The following PREX1 variants were observed in gnomAD, a reference collection of about 807,000 sequenced individuals.
PREX1 encodes the protein phosphatidylinositol 3,4,5-trisphosphate-dependent Rac exchanger 1 protein.
PREX1 carries 41 observed loss-of-function variants against 198.3 expected under a neutral mutation model. That is an observed-to-expected ratio of 0.21 (90% CI 0.16 to 0.27). The LOEUF (loss-of-function observed/expected upper bound fraction) is 0.27. PREX1 is among the 10% of genes least tolerant of loss of function. PREX1 has a pLI of 1.00. For synonymous variants in PREX1, 843 were observed against 887.2 expected (o/e 0.95, Z 0.89); for missense variants, 1,620 against 2,200.7 (o/e 0.74, Z 5.28).
At chr20:48,631,129 T>A (rs1458000506) in intron 35 of PREX1, among the ~76,000 whole-genome samples, 2 of 152,218 alleles carry the variant, frequency 1.3e-5, no homozygotes, top group African/African-American at 2.4e-5. Flanking sequence ...GCTCTGGGCT[T>A]ACTGGTTTAC....
At chr20:48,662,350 C>A (rs114577629) in intron 15 of PREX1, among the ~76,000 whole-genome samples, 1,634 of 152,332 alleles carry the variant, frequency 0.011, 30 homozygotes, top group African/African-American at 0.037. Context: ...TCCACGAGCT[C>A]AGCCAAGCGA....
intron 1 of PREX1, among the ~76,000 whole-genome samples, chr20:48,763,711 G>C (rs541641233): frequency 1.4e-4 from 21 of 152,300 alleles, no homozygotes; most frequent in African/African-American, 5.1e-4. Context: ...GGCATTCAGG[G>C]CCCAGGCCTC....
intron 1 of PREX1, among the ~76,000 whole-genome samples, chr20:48,786,612 T>C (rs2090313339): frequency 6.6e-6 from 1 of 151,622 alleles, no homozygotes; most frequent in Admixed American, 6.6e-5. Flanking sequence ...GGTGTGGTGG[T>C]GCACACCTGT....
chr20:48,812,937 A>G lies in PREX1; in HGVS notation c.219+14705T>C, dbSNP rs191785843. Among the ~76,000 whole-genome samples the G allele has an allele frequency of 1.8e-3, 271 of 152,396 alleles. 4 individuals carry two copies. The highest frequency in any genetic ancestry group is 6.8e-3 in the Middle Eastern group (2 of 294). ...AGGAACAAAGAGGAAATATACCCAA[A>G]GATGAAACAGCTATTTGGAAGGGTG... On this transcript the variant is annotated intron_variant, in intron 1 of 39. Coordinates refer to ENST00000371941, the MANE Select transcript of PREX1 (RefSeq NM_020820.4).
chr20:48,727,387 G>T (rs1408402802), intron 4 of PREX1, among the ~76,000 whole-genome samples: 1 of 151,948 alleles, frequency 6.6e-6, no homozygotes, highest in Non-Finnish European at 1.5e-5. Context: ...CAATACTTCC[G>T]CCCTGCAGCC....
the PREX1 span, among the ~76,000 whole-genome samples, chr20:48,840,805 A>G: frequency 1.3e-5 from 2 of 152,176 alleles, no homozygotes; most frequent in South Asian, 2.1e-4. Context: ...GTTGCTTACA[A>G]TTGCAAATCC....
intron 7 of PREX1, among the ~76,000 whole-genome samples, chr20:48,694,042 G>T (rs1161570030): frequency 6.6e-6 from 1 of 152,044 alleles, no homozygotes; most frequent in Admixed American, 6.6e-5. Context: ...CTCTCAAGTA[G>T]CTGGGACTAC....
At chr20:48,711,923 C>T (rs1444418593) in intron 5 of PREX1, among the ~76,000 whole-genome samples, 4 of 152,178 alleles carry the variant, frequency 2.6e-5, no homozygotes, top group Admixed American at 2.6e-4. Flanking sequence ...GCACCTGAAA[C>T]CCTGGTGGTG....
chr20:48,823,965 A>G (rs1370483039), intron 1 of PREX1, among the ~76,000 whole-genome samples: 1 of 152,196 alleles, frequency 6.6e-6, no homozygotes, highest in African/African-American at 2.4e-5. Context: ...AAAGAAAATT[A>G]AATGAGTTGA....
At chr20:48,865,500 A>G in the PREX1 span, among the ~76,000 whole-genome samples, 25 of 152,200 alleles carry the variant, frequency 1.6e-4, no homozygotes, top group Non-Finnish European at 1.0e-4. Flanking sequence ...GGTGAAAAAG[A>G]AAGGTTCAGA....
intron 1 of PREX1, among the ~76,000 whole-genome samples, chr20:48,783,131 A>G (rs1270300028): frequency 6.6e-6 from 1 of 152,180 alleles, no homozygotes; most frequent in African/African-American, 2.4e-5. Context: ...AATGAAAAAG[A>G]AGGATACATG....
the PREX1 span, among the ~76,000 whole-genome samples, chr20:48,839,639 G>T: frequency 6.6e-6 from 1 of 152,300 alleles, no homozygotes; most frequent in Non-Finnish European, 1.5e-5. Context: ...GTGCTACCTG[G>T]TCGAGGCTGC....
intron 5 of PREX1, among the ~76,000 whole-genome samples, chr20:48,712,113 G>T (rs151127093): frequency 6.6e-6 from 1 of 152,300 alleles, no homozygotes; most frequent in Admixed American, 6.5e-5. Context: ...GTGGCACTTG[G>T]GATAAATTCA....
At chr20:48,722,329 T>C (rs899979637) in intron 5 of PREX1, among the ~76,000 whole-genome samples, 9 of 152,174 alleles carry the variant, frequency 5.9e-5, no homozygotes, top group Admixed American at 3.3e-4. Context: ...CTTGAGGACA[T>C]GAGCCTAAGT....
chr20:48,681,983 G>A (rs2089754422), intron 10 of PREX1, among the ~76,000 whole-genome samples: 1 of 152,024 alleles, frequency 6.6e-6, no homozygotes, highest in African/African-American at 2.4e-5. Flanking sequence ...ATGAAACCAT[G>A]TCATTTCCAT....
At chr20:48,696,256 CTGAAGTTGATTTT>C (rs1443535224) in intron 7 of PREX1, among the ~76,000 whole-genome samples, 1 of 152,206 alleles carries the variant, frequency 6.6e-6, no homozygotes, top group Non-Finnish European at 1.5e-5. Context: ...TATAATCCAG[CTGAAGTTGATTTT>C]TGTGTTTGGT....
At chr20:48,761,133 C>A (rs190868647) in intron 1 of PREX1, among the ~76,000 whole-genome samples, 2 of 152,206 alleles carry the variant, frequency 1.3e-5, no homozygotes, top group Non-Finnish European at 2.9e-5. Context: ...AGGGAGCAAA[C>A]AGCATTGCGT....
chr20:48,767,675 G>A (rs577840460), intron 1 of PREX1, among the ~76,000 whole-genome samples: 3 of 152,182 alleles, frequency 2.0e-5, no homozygotes, highest in Admixed American at 6.5e-5. Flanking sequence ...GTACTTTCCC[G>A]ACATTTCCCC....
chr20:48,826,347 AC>A (rs2090508639), intron 1 of PREX1, among the ~76,000 whole-genome samples: 1 of 151,470 alleles, frequency 6.6e-6, no homozygotes, highest in Non-Finnish European at 1.5e-5. Flanking sequence ...CACCCCCTCC[AC>A]CCGCTGGCCA....
Sources: gnomAD v4.1 joint callset for allele counts (sites outside exome capture counted in the v4.1 genomes callset) on GRCh38, gnomAD v4.1.1 for gene constraint, MANE v1.5 for transcripts, NCBI Gene and HGNC (gene_info 2026-07-23, HGNC 2026-07-21) for gene names.